ATM: variants seen among roughly 807,000 people sequenced by gnomAD.
ATM encodes the protein serine-protein kinase ATM.
In ATM, 308 loss-of-function variants were observed where a neutral mutation model predicts 387.0. The observed-to-expected ratio is 0.80, with a 90% CI of 0.73 to 0.87. The LOEUF (loss-of-function observed/expected upper bound fraction) is 0.87. ATM is among the 40% of genes least tolerant of loss of function. ATM has a pLI of 0.00. For missense variants in ATM, 3,312 were observed against 3,560.9 expected, an observed-to-expected ratio of 0.93 and a Z score of 1.78; for synonymous variants, 1,156 against 1,187.3, an observed-to-expected ratio of 0.97 and a Z score of 0.54.
chr11:108,291,725 G>T (rs2135788200), intron 29 of ATM, among the ~76,000 whole-genome samples: 1 of 152,336 alleles, frequency 6.6e-6, no homozygotes, highest in South Asian at 2.1e-4. Flanking sequence ...GGAAGCATGA[G>T]AGGAGAAAAC....
chr11:108,247,607 T>G (rs1320561971), intron 8 of ATM, among the ~76,000 whole-genome samples: 2 of 152,190 alleles, frequency 1.3e-5, no homozygotes, highest in African/African-American at 4.8e-5. Context: ...TTTATTTTTA[T>G]TTTTTTGAGA....
rs752125292 is a variant in ATM, at chr11:108,329,233, A to T, written c.7302A>T (p.Thr2434=). ...TCCTTAGGGAACATAAAATTCAGAC[A>T]AACAGGTAACTAGGTTTCTACAAGT... ...VGLLREHKIQ[T]NRYTVKVQRE... Residue 2434 remains threonine (T), a synonymous_variant, in exon 49 of 63, where the codon ACA becomes ACT. Coordinates refer to ENST00000675843, the MANE Select transcript of ATM (RefSeq NM_000051.4). The T allele has an allele frequency of 4.3e-6, 7 of 1,611,898 alleles. No homozygotes were observed. The South Asian group carries it at 7.7e-5, about 18-fold the overall frequency.
At chr11:108,350,747 A>C (rs2089089509) in intron 59 of ATM, among the ~76,000 whole-genome samples, 1 of 152,158 alleles carries the variant, frequency 6.6e-6, no homozygotes, top group South Asian at 2.1e-4. Flanking sequence ...TTATCTGAGA[A>C]TGAAAGGAGA....
intron 43 of ATM, 90 bp from the exon 44 acceptor site, chr11:108,319,864 A>T (rs1209201632): frequency 3.4e-6 from 3 of 894,176 alleles, no homozygotes; most frequent in Non-Finnish European, 5.4e-6. Flanking sequence ...ATGTTAATTT[A>T]AAAATTTTGT....
At chr11:108,305,164 G>A (rs2135949414) in intron 37 of ATM, among the ~76,000 whole-genome samples, 1 of 152,320 alleles carries the variant, frequency 6.6e-6, no homozygotes, top group African/African-American at 2.4e-5. Flanking sequence ...CAATATTAAT[G>A]TGAAAAAGAA....
At chr11:108,308,733 A>G in intron 38 of ATM, 1 of 367,404 alleles carries the variant, frequency 2.7e-6, no homozygotes, top group East Asian at 4.7e-5. Flanking sequence ...AATGTTTTTA[A>G]GCCTAAATGC....
At chr11:108,331,654 AAAT>A (rs1477047278) in intron 51 of ATM, 97 bp downstream of exon 51, 1 of 1,414,982 alleles carries the variant, frequency 7.1e-7, no homozygotes, top group African/African-American at 1.5e-5. Flanking sequence ...TAAGAAATGG[AAAT>A]ACAAAATTTT....
intron 13 of ATM, among the ~76,000 whole-genome samples, chr11:108,255,932 C>G (rs1591540751): frequency 6.6e-6 from 1 of 151,904 alleles, no homozygotes. Context: ...TCATCCCTAC[C>G]TCAAATATTT....
intron 56 of ATM, among the ~76,000 whole-genome samples, chr11:108,339,873 G>A (rs2087313610): frequency 6.6e-6 from 1 of 152,134 alleles, no homozygotes; most frequent in Admixed American, 6.6e-5. Flanking sequence ...GACAGCAGGG[G>A]AGAGGGCATG....
intron 5 of ATM, chr11:108,236,057 G>C: frequency 1.9e-6 from 1 of 538,062 alleles, no homozygotes; most frequent in Non-Finnish European, 3.3e-6. Context: ...ATCAGAGCCG[G>C]AATTACAGTT....
chr11:108,323,616 T>C (rs552847410), intron 45 of ATM, among the ~76,000 whole-genome samples: 1 of 152,300 alleles, frequency 6.6e-6, no homozygotes, highest in African/African-American at 2.4e-5. Context: ...TACCCAAATT[T>C]GATCATTACA....
chr11:108,299,872 C>T lies in ATM; in HGVS notation c.5164C>T (p.Leu1722=), dbSNP rs1255639252. The T allele has an allele frequency of 3.7e-6, 6 of 1,613,622 alleles. No homozygotes were observed. The highest frequency in any genetic ancestry group is 2.2e-5 in the East Asian group (1 of 44,828). Residue 1722 remains leucine (L), a synonymous_variant, in exon 34 of 63, where the codon CTG becomes TTG. Transcript: ENST00000675843. The stretch of plus-strand genomic sequence containing the variant: ...AATGCTGACCTACCTGAATAACACA[C>T]TGGTAGAAGATTGGTGAGTATTTAT... The part of the protein sequence containing the change: ...FIMLTYLNNT[L]VEDCVKVRSA...
chr11:108,292,848 GA>G lies in ATM; in HGVS notation c.4611+57del. 1.9e-6 allele frequency: 3 copies of G among 1,580,000 alleles called. No individual in the cohort carries two copies. The South Asian group carries it at 3.4e-5, about 18-fold the overall frequency. ...ATTTAAAATATATAAAGTATTGTTA[GA>G]AGGATTTGAGTGTTTTATGTTTATT... On this transcript the variant is annotated intron_variant, in intron 30 of 62. Transcript: ENST00000675843.
intron 61 of ATM, among the ~76,000 whole-genome samples, chr11:108,361,602 A>G (rs1163673290): frequency 2.0e-5 from 3 of 151,888 alleles, no homozygotes; most frequent in Non-Finnish European, 2.9e-5. Flanking sequence ...AAACAGAGAT[A>G]TAGATCAATG....
chr11:108,247,289 C>T (rs1441299267), intron 8 of ATM, among the ~76,000 whole-genome samples, 162 bp downstream of exon 8: 1 of 152,170 alleles, frequency 6.6e-6, no homozygotes, highest in East Asian at 1.9e-4. Flanking sequence ...TTGGAATTAC[C>T]CTTTTAACTT....
At chr11:108,337,592 G>A (rs983950270) in intron 56 of ATM, among the ~76,000 whole-genome samples, 1 of 152,144 alleles carries the variant, frequency 6.6e-6, no homozygotes, top group Non-Finnish European at 1.5e-5. Flanking sequence ...ATGCTGCACT[G>A]GTCCAGGGAC....
At chr11:108,269,220 C>G (rs1056953138) in intron 18 of ATM, among the ~76,000 whole-genome samples, 4 of 152,128 alleles carry the variant, frequency 2.6e-5, no homozygotes, top group Admixed American at 6.5e-5. Context: ...AACATTTTGT[C>G]ATTGCATTTA....
intron 7 of ATM, among the ~76,000 whole-genome samples, chr11:108,245,768 A>G (rs909218423): frequency 2.0e-5 from 3 of 151,430 alleles, no homozygotes; most frequent in Non-Finnish European, 4.4e-5. Flanking sequence ...TTCTTAAAAC[A>G]GCATACCACA....
intron 4 of ATM, chr11:108,229,596 A>G (rs181113083): frequency 3.1e-6 from 1 of 323,618 alleles, no homozygotes; most frequent in Non-Finnish European, 5.6e-6. Context: ...CACTGCACTC[A>G]GGCCAGCCTG....
Sources: gnomAD v4.1 joint callset for allele counts (sites outside exome capture counted in the v4.1 genomes callset) on GRCh38, gnomAD v4.1.1 for gene constraint, MANE v1.5 for transcripts, NCBI Gene and HGNC (gene_info 2026-07-23, HGNC 2026-07-21) for gene names.